NCKAP5: variants seen among roughly 807,000 people sequenced by gnomAD.
NCKAP5 encodes the protein NCK associated protein 5.
NCKAP5 carries 92 observed loss-of-function variants against 167.0 expected under a neutral mutation model. The observed-to-expected ratio is 0.55, with a 90% CI of 0.47 to 0.66. NCKAP5 has a LOEUF of 0.66. NCKAP5 is among the 30% of genes least tolerant of loss of function. The pLI is 0.00. For missense variants in NCKAP5, 2,378 were observed against 2,315.0 expected, an observed-to-expected ratio of 1.03 and a Z score of -0.56; for synonymous variants, 891 against 877.4, an observed-to-expected ratio of 1.02 and a Z score of -0.27.
chr2:133,396,290 G>A (rs368918081), intron 3 of NCKAP5, among the ~76,000 whole-genome samples: 1 of 152,022 alleles, frequency 6.6e-6, no homozygotes, highest in South Asian at 2.1e-4. Context: ...GGTTGCAAGG[G>A]CTTTTTAAAT....
chr2:133,181,603 C>CAAAAAAAAGAAAAAAAA (rs2084738033), intron 5 of NCKAP5, among the ~76,000 whole-genome samples: 2 of 71,158 alleles, frequency 2.8e-5, no homozygotes, highest in African/African-American at 1.2e-4. Flanking sequence ...CCCATCTCTA[C>CAAAAAAAAGAAAAAAAA]AAAAAAAAAA....
chr2:133,049,273 C>T (rs886974350), intron 6 of NCKAP5, among the ~76,000 whole-genome samples: 2 of 152,140 alleles, frequency 1.3e-5, no homozygotes, highest in African/African-American at 2.4e-5. Context: ...TGCCTGGGCA[C>T]GGTGGCTCAC....
chr2:133,035,075 T>C (rs2078998184), intron 6 of NCKAP5, among the ~76,000 whole-genome samples: 1 of 151,960 alleles, frequency 6.6e-6, no homozygotes, highest in Non-Finnish European at 1.5e-5. Flanking sequence ...AAAAAGATAT[T>C]CCATGCCAAA....
At chr2:133,585,207 T>C in the NCKAP5 span, among the ~76,000 whole-genome samples, 1 of 152,230 alleles carries the variant, frequency 6.6e-6, no homozygotes, top group Non-Finnish European at 1.5e-5. Flanking sequence ...TTAGGAGACA[T>C]GTTTAATGCA....
chr2:133,575,165 G>T, the NCKAP5 span, among the ~76,000 whole-genome samples: 1 of 152,214 alleles, frequency 6.6e-6, no homozygotes, highest in Non-Finnish European at 1.5e-5. Context: ...CACTTCCCCT[G>T]AGACGCCAGG....
intron 8 of NCKAP5, among the ~76,000 whole-genome samples, chr2:132,920,659 T>TTA (rs371454572): frequency 0.025 from 2,024 of 81,920 alleles, 105 homozygotes; most frequent in East Asian, 0.075. Context: ...ATGGAAGAAC[T>TTA]TATATATATA....
rs72842463 is a variant in NCKAP5, at chr2:133,141,588, T to C, written c.208-11477A>G. Among the ~76,000 whole-genome samples the C allele has an allele frequency of 4.0e-3, 611 of 152,310 alleles. 3 individuals carry two copies. Among genetic ancestry groups the C allele is most frequent in the Non-Finnish European group, 5.8e-3 (393 of 68,014 alleles). Reference sequence around the variant, plus strand: ...TAATTATAATGTCTACAACCAACTGTACAAGGTACTACTGAAGCTTTTGTT... The same window carrying C: ...TAATTATAATGTCTACAACCAACTGCACAAGGTACTACTGAAGCTTTTGTT... On this transcript the variant is annotated intron_variant, in intron 5 of 19. Transcript: ENST00000409261.
intron 6 of NCKAP5, among the ~76,000 whole-genome samples, chr2:133,029,837 T>C (rs79674377): frequency 5.3e-5 from 8 of 152,324 alleles, no homozygotes; most frequent in African/African-American, 1.7e-4. Context: ...CTCTCATTTA[T>C]TTTCCTGCTC....
chr2:133,105,561 T>C (rs2081656708), intron 6 of NCKAP5, among the ~76,000 whole-genome samples: 1 of 152,190 alleles, frequency 6.6e-6, no homozygotes, highest in African/African-American at 2.4e-5. Flanking sequence ...CTGGCCTTCG[T>C]CTGTTTTTGC....
At chr2:133,351,196 A>T (rs1684335642) in intron 3 of NCKAP5, among the ~76,000 whole-genome samples, 1 of 152,130 alleles carries the variant, frequency 6.6e-6, no homozygotes, top group Non-Finnish European at 1.5e-5. Flanking sequence ...TAAACAACAA[A>T]AGCAAATTGG....
At chr2:133,615,476 CA>C in the NCKAP5 span, among the ~76,000 whole-genome samples, 3 of 149,438 alleles carry the variant, frequency 2.0e-5, no homozygotes, top group Non-Finnish European at 4.5e-5. Flanking sequence ...AAATGGAAAA[CA>C]AAAAAAAAGC....
At chr2:132,961,752 G>A (rs2149197559) in intron 8 of NCKAP5, among the ~76,000 whole-genome samples, 1 of 152,236 alleles carries the variant, frequency 6.6e-6, no homozygotes, top group East Asian at 1.9e-4. Flanking sequence ...ACTTTTCAAT[G>A]TTGTCTCTAA....
intron 6 of NCKAP5, among the ~76,000 whole-genome samples, chr2:133,018,004 A>C (rs1057234209): frequency 6.6e-6 from 1 of 152,210 alleles, no homozygotes; most frequent in Non-Finnish European, 1.5e-5. Context: ...TCTCAAGACC[A>C]TACTGCCCCA....
intron 11 of NCKAP5, among the ~76,000 whole-genome samples, chr2:132,835,536 T>A (rs1395602802): frequency 1.3e-5 from 2 of 152,132 alleles, no homozygotes; most frequent in African/African-American, 4.8e-5. Context: ...ATTTCTAATG[T>A]CATTTATCTG....
chr2:132,731,927 G>C lies in NCKAP5; in HGVS notation c.5253C>G (p.Leu1751=), dbSNP rs752543719. The part of the protein sequence containing the change: ...QPDSPEDAEP[L]LPLQSALSAV... The stretch of plus-strand genomic sequence containing the variant: ...CAGAAAGGGCTGACTGGAGAGGCAG[G>C]AGAGGCTCAGCGTCCTCTGGGGAGT... Residue 1751 remains leucine, a synonymous_variant, in exon 17 of 20, where the codon CTC becomes CTG. Transcript: ENST00000409261. 1.2e-6 allele frequency: 2 copies of C among 1,613,974 alleles called. No individual in the cohort carries two copies. The highest frequency in any genetic ancestry group is 1.1e-5 in the South Asian group (1 of 91,078).
At chr2:133,021,335 G>A (rs1267614209) in intron 6 of NCKAP5, among the ~76,000 whole-genome samples, 1 of 152,186 alleles carries the variant, frequency 6.6e-6, no homozygotes, top group Non-Finnish European at 1.5e-5. Flanking sequence ...GGAGGGAAGG[G>A]AGGCCCAGAA....
intron 6 of NCKAP5, among the ~76,000 whole-genome samples, chr2:133,039,298 T>TC (rs2079137762): frequency 2.0e-5 from 3 of 152,170 alleles, no homozygotes; most frequent in Non-Finnish European, 4.4e-5. Flanking sequence ...ATTACAAACT[T>TC]CAATAGTTGG....
intron 11 of NCKAP5, among the ~76,000 whole-genome samples, chr2:132,836,652 T>C (rs1687908219): frequency 6.6e-6 from 1 of 152,114 alleles, no homozygotes; most frequent in Non-Finnish European, 1.5e-5. Flanking sequence ...ACCCAAGCAG[T>C]ATACACTGCA....
At chr2:133,647,805 C>T in the NCKAP5 span, among the ~76,000 whole-genome samples, 4,398 of 150,912 alleles carry the variant, frequency 0.029, 239 homozygotes, top group African/African-American at 0.1. Flanking sequence ...AGGGAGAGAA[C>T]GGGAGGAGAC....
Sources: allele counts gnomAD v4.1 joint callset (sites outside exome capture counted in the v4.1 genomes callset), GRCh38; gene constraint gnomAD v4.1.1; transcripts MANE v1.5; gene names NCBI Gene and HGNC (gene_info 2026-07-23, HGNC 2026-07-21).